ANK2: variants seen among roughly 807,000 people sequenced by gnomAD.
ANK2 encodes ankyrin 2.
Under a neutral mutation model 360.5 loss-of-function variants are expected in ANK2, and 83 were observed. The observed-to-expected ratio is 0.23, with a 90% CI of 0.19 to 0.28. ANK2 has a LOEUF of 0.28. ANK2 is among the 10% of genes least tolerant of loss of function. The pLI is 1.00. For missense variants in ANK2, 4,201 were observed against 4,795.7 expected (o/e 0.88, Z 3.66); for synonymous variants, 1,740 against 1,759.5 (o/e 0.99, Z 0.28).
At chr4:113,018,416 A>T (rs2057214820) in intron 2 of ANK2, among the ~76,000 whole-genome samples, 1 of 152,252 alleles carries the variant, frequency 6.6e-6, no homozygotes, top group African/African-American at 2.4e-5. Context: ...TCAATGTCAT[A>T]GGAGTTGGTC....
chr4:113,240,099 GAA>G (rs755400210), intron 7 of ANK2, among the ~76,000 whole-genome samples: 37 of 152,150 alleles, frequency 2.4e-4, no homozygotes, highest in Non-Finnish European at 5.0e-4. Flanking sequence ...AATCTTCTCT[GAA>G]AAGACATTAA....
chr4:112,809,236 G>A, the ANK2 span, among the ~76,000 whole-genome samples: 4 of 149,150 alleles, frequency 2.7e-5, no homozygotes, highest in African/African-American at 4.9e-5. Context: ...AAACTTCCTG[G>A]TAGTTTAAAT....
At chr4:112,896,516 A>T (rs2081800710) in intron 1 of ANK2, among the ~76,000 whole-genome samples, 1 of 152,244 alleles carries the variant, frequency 6.6e-6, no homozygotes, top group Non-Finnish European at 1.5e-5. Context: ...ATGCAGCATA[A>T]AACTTCTCAG....
chr4:112,960,999 C>T (rs2034505541), intron 2 of ANK2, among the ~76,000 whole-genome samples: 1 of 151,472 alleles, frequency 6.6e-6, no homozygotes, highest in Non-Finnish European at 1.5e-5. Context: ...TCTTGTGTAG[C>T]AATTTTAGTT....
chr4:113,176,543 A>G (rs1003594860), intron 2 of ANK2, among the ~76,000 whole-genome samples: 4 of 152,094 alleles, frequency 2.6e-5, no homozygotes, highest in African/African-American at 9.7e-5. Flanking sequence ...AGAACATTCA[A>G]ACTCCCATAT....
intron 1 of ANK2, among the ~76,000 whole-genome samples, chr4:113,089,261 T>G (rs1375369767): frequency 2.6e-5 from 4 of 152,196 alleles, no homozygotes; most frequent in Non-Finnish European, 5.9e-5. Flanking sequence ...CACTATTCTT[T>G]TCTGTCTTTA....
At chr4:113,127,091 C>A (rs60194182) in intron 1 of ANK2, among the ~76,000 whole-genome samples, 1,711 of 151,658 alleles carry the variant, frequency 0.011, 30 homozygotes, top group African/African-American at 0.039. Flanking sequence ...TAGTTTTAAT[C>A]ACATTTTCAC....
chr4:112,812,361 A>G, the ANK2 span, among the ~76,000 whole-genome samples: 2 of 152,186 alleles, frequency 1.3e-5, no homozygotes, highest in Non-Finnish European at 2.9e-5. Flanking sequence ...TGGTCTTCCT[A>G]TAATGTGATA....
At chr4:112,898,665 A>G (rs2082405298) in intron 1 of ANK2, among the ~76,000 whole-genome samples, 1 of 152,224 alleles carries the variant, frequency 6.6e-6, no homozygotes, top group Admixed American at 6.5e-5. Context: ...CCATATTTGG[A>G]AATTAATTTA....
At chr4:113,145,384 T>G (rs2096790208) in intron 1 of ANK2, among the ~76,000 whole-genome samples, 1 of 152,154 alleles carries the variant, frequency 6.6e-6, no homozygotes, top group Non-Finnish European at 1.5e-5. Context: ...ATATTTAGTA[T>G]TGTGTGAATA....
chr4:113,361,238 A>G (rs1044224271), intron 39 of ANK2, among the ~76,000 whole-genome samples: 1 of 152,170 alleles, frequency 6.6e-6, no homozygotes, highest in Non-Finnish European at 1.5e-5. Flanking sequence ...ATCAAATTTA[A>G]TGTGAGATTT....
intron 22 of ANK2, among the ~76,000 whole-genome samples, chr4:113,296,017 TG>T (rs201073631): frequency 0.05 from 7,626 of 152,204 alleles, 646 homozygotes; most frequent in African/African-American, 0.17. Context: ...CATAATGTAT[TG>T]TTAATGATAT....
intron 45 of ANK2, among the ~76,000 whole-genome samples, chr4:113,377,831 G>T (rs1412859180): frequency 4.6e-5 from 7 of 152,272 alleles, no homozygotes; most frequent in African/African-American, 1.4e-4. Context: ...GTGAAGCAAG[G>T]AGGAAATTGA....
At chr4:113,110,963 A>C (rs1395085578) in intron 1 of ANK2, among the ~76,000 whole-genome samples, 1 of 152,206 alleles carries the variant, frequency 6.6e-6, no homozygotes, top group African/African-American at 2.4e-5. Context: ...AATTTTGAAA[A>C]ATAAGAAAAT....
intron 1 of ANK2, chr4:113,160,338 T>C (rs1432744510): frequency 4.8e-6 from 2 of 419,100 alleles, no homozygotes; most frequent in African/African-American, 4.2e-5. Context: ...AGTGCTAGGA[T>C]TACAGGCATG....
chr4:113,062,894 G>C (rs1361831767), intron 1 of ANK2, among the ~76,000 whole-genome samples: 2 of 151,992 alleles, frequency 1.3e-5, no homozygotes, highest in Non-Finnish European at 1.5e-5. Context: ...CTACATTACT[G>C]TACTAATTTG....
the ANK2 span, among the ~76,000 whole-genome samples, chr4:112,747,011 T>A: frequency 6.6e-6 from 1 of 152,186 alleles, no homozygotes; most frequent in Non-Finnish European, 1.5e-5. Context: ...TAAGCACAGT[T>A]AACAATGGTA....
intron 13 of ANK2, among the ~76,000 whole-genome samples, chr4:113,262,401 A>G (rs1417865558): frequency 1.3e-5 from 2 of 151,836 alleles, no homozygotes; most frequent in African/African-American, 2.4e-5. Context: ...TAATTTATTT[A>G]TTTATTTATT....
chr4:113,270,349 A>G (rs2058035615), intron 14 of ANK2, among the ~76,000 whole-genome samples: 1 of 152,098 alleles, frequency 6.6e-6, no homozygotes, highest in African/African-American at 2.4e-5. Context: ...ACAACCTTTT[A>G]TCTTTTTGGA....
Sources: allele counts gnomAD v4.1 joint callset (sites outside exome capture counted in the v4.1 genomes callset), GRCh38; gene constraint gnomAD v4.1.1; transcripts MANE v1.5; gene names NCBI Gene and HGNC (gene_info 2026-07-23, HGNC 2026-07-21).